SLCO3A1: variants seen among roughly 807,000 people sequenced by gnomAD.
SLCO3A1 encodes the protein PGE1 transporter.
Under a neutral mutation model 63.1 loss-of-function variants are expected in SLCO3A1, and 27 were observed. That is an observed-to-expected ratio of 0.43 (90% CI 0.32 to 0.59). The LOEUF is 0.59. Among genes scored for constraint, SLCO3A1 ranks in the 20% least tolerant of loss-of-function variants. The pLI is 0.09. For synonymous variants in SLCO3A1, 473 were observed against 409.9 expected (o/e 1.15, Z -1.86); for missense variants, 773 against 945.8 (o/e 0.82, Z 2.40).
chr15:92,017,150 C>T (rs1042877628), intron 2 of SLCO3A1, among the ~76,000 whole-genome samples: 10 of 152,144 alleles, frequency 6.6e-5, no homozygotes, highest in African/African-American at 2.4e-4. Flanking sequence ...AAGACAACAT[C>T]AAACATTAGC....
At chr15:92,058,839 C>A (rs879745952) in intron 2 of SLCO3A1, among the ~76,000 whole-genome samples, 106 of 152,244 alleles carry the variant, frequency 7.0e-4, no homozygotes, top group Middle Eastern at 6.8e-3. Flanking sequence ...GCTGGCAATG[C>A]GAGGTGTTAT....
At position 91,924,464 on chromosome 15, in the gene SLCO3A1, T is replaced by G. The variant is rs115624901; in HGVS notation, c.646+8006T>G. 1.9e-3 allele frequency among the ~76,000 whole-genome samples: 293 copies of G among 152,330 alleles called. 2 individuals are homozygous for G. The highest frequency in any genetic ancestry group is 6.8e-3 in the African/African-American group (284 of 41,572). ...GCCATGGTGGCAATTTCAAATTGCA[T>G]TCATTGATTTCAAAAGACCATCAAT... On this transcript the variant is annotated intron_variant, in intron 2 of 9. Transcript: ENST00000318445.
rs754465369 is a variant in SLCO3A1, at chr15:91,853,926, G to T, written c.18G>T (p.Pro6=). The change falls in exon 1 of 10, where the codon CCG becomes CCT. Residue 6 remains proline (P), a synonymous_variant. Transcript: ENST00000318445. The stretch of plus-strand genomic sequence containing the variant: ...GGGGAAGGATGCAGGGGAAGAAGCC[G>T]GGCGGTTCGTCGGGCGGCGGCCGGA... MQGKK[P]GGSSGGGRSG... is the part of the protein sequence containing the mutation. 10 of 1,451,868 alleles carry T rather than the reference G, an allele frequency of 6.9e-6. No homozygotes were observed. The highest frequency in any genetic ancestry group is 1.9e-4 in the Middle Eastern group (1 of 5,236). 89.9% of individuals were successfully genotyped at this position (1,451,868 alleles called of 1,614,324 possible). A position where few individuals can be genotyped will look rare whatever the true frequency, so the allele number is the denominator to read the frequency against.
intron 1 of SLCO3A1, among the ~76,000 whole-genome samples, chr15:91,874,868 T>C (rs1379778539): frequency 1.3e-5 from 2 of 152,362 alleles, no homozygotes; most frequent in African/African-American, 4.8e-5. Context: ...GTCTCTTTTC[T>C]CTGTATTTCC....
chr15:91,874,643 G>T (rs755205326), intron 1 of SLCO3A1, among the ~76,000 whole-genome samples: 1 of 152,132 alleles, frequency 6.6e-6, no homozygotes, highest in Non-Finnish European at 1.5e-5. Context: ...GTCGTCTGTC[G>T]ATGGACACTT....
chr15:92,147,540 C>G (rs1474354151), intron 8 of SLCO3A1, among the ~76,000 whole-genome samples: 1 of 152,150 alleles, frequency 6.6e-6, no homozygotes, highest in African/African-American at 2.4e-5. Flanking sequence ...CATTTTCCCC[C>G]TAGACTTGCT....
chr15:91,857,029 C>CGTGT lies in SLCO3A1; in HGVS notation c.180+2979_180+2982dup, dbSNP rs58042356. Reference sequence around the variant, plus strand: ...AGAAGCAACTTTGAGAAGGAGGACTCGTGTGTGTGTGTGTGTGTGTGTGTG... The same window carrying CGTGT: ...AGAAGCAACTTTGAGAAGGAGGACTCGTGTGTGTGTGTGTGTGTGTGTGTGTGTG... On this transcript the variant is annotated intron_variant, in intron 1 of 9. Coordinates refer to ENST00000318445, the MANE Select transcript of SLCO3A1 (RefSeq NM_013272.4). 8.5e-3 allele frequency among the ~76,000 whole-genome samples: 1,178 copies of CGTGT among 139,078 alleles called. 11 individuals are homozygous for CGTGT. The highest frequency in any genetic ancestry group is 0.025 in the Middle Eastern group (7 of 276). The allele number at this position is 139,078 out of a possible 152,430, so 91.2% of individuals were successfully genotyped here. A position where few individuals can be genotyped will look rare whatever the true frequency, so the allele number is the denominator to read the frequency against.
At position 91,912,720 on chromosome 15, in the gene SLCO3A1, C is replaced by T. The variant is rs1898524478; in HGVS notation, c.181-3273C>T. ...CCCTTCCCCCTACTTTGTTACCCTC[C>T]AGCCTCATGGTGGGTCCTAAAGCTG... On this transcript the variant is annotated intron_variant, in intron 1 of 9. Transcript: ENST00000318445. The surrounding 1 kb of genome is among the most constrained non-coding windows in gnomAD (Gnocchi z 5.0). Among the ~76,000 whole-genome samples the T allele has an allele frequency of 6.6e-6, 1 of 152,192 alleles. No individual in the cohort carries two copies. Among genetic ancestry groups the T allele is most frequent in the Non-Finnish European group, 1.5e-5 (1 of 68,020 alleles).
intron 9 of SLCO3A1, among the ~76,000 whole-genome samples, chr15:92,160,529 G>C (rs1386459420): frequency 6.6e-6 from 1 of 152,160 alleles, no homozygotes; most frequent in East Asian, 1.9e-4. Context: ...GCCCAACCTG[G>C]CAGCTGGAAA....
intron 7 of SLCO3A1, among the ~76,000 whole-genome samples, chr15:92,128,794 G>A (rs905578383): frequency 6.6e-6 from 1 of 152,190 alleles, no homozygotes; most frequent in Admixed American, 6.5e-5. Context: ...TAGGATGTCT[G>A]CATGGGTAGT....
In SLCO3A1 at chr15:91,950,254, G is replaced by A. The variant is rs573209035; in HGVS notation, c.646+33796G>A. Among the ~76,000 whole-genome samples the A allele has an allele frequency of 5.9e-5, 9 of 152,312 alleles. No homozygotes were observed. The South Asian group carries it at 1.9e-3, about 32-fold the overall frequency. On this transcript the variant is annotated intron_variant, in intron 2 of 9. Coordinates refer to ENST00000318445, the MANE Select transcript of SLCO3A1 (RefSeq NM_013272.4). This position sits in a 1 kb window ranked among gnomAD's most constrained non-coding sequence, Gnocchi z 4.4. ...GGCTGCCTGCTGTGGCCAGAGATTC[G>A]GGTGTGTGTATTGTGGAGGGGATTG...
intron 5 of SLCO3A1, among the ~76,000 whole-genome samples, chr15:92,121,040 C>G (rs533427858): frequency 1.4e-4 from 21 of 152,058 alleles, no homozygotes; most frequent in Non-Finnish European, 3.1e-4. Context: ...CATACACTCC[C>G]TACTCCTCCC....
intron 7 of SLCO3A1, among the ~76,000 whole-genome samples, chr15:92,136,658 T>C (rs527650762): frequency 6.6e-6 from 1 of 152,366 alleles, no homozygotes; most frequent in Admixed American, 6.5e-5. Context: ...TTTTCCATTT[T>C]GAATACATTT....
intron 7 of SLCO3A1, among the ~76,000 whole-genome samples, chr15:92,133,085 G>A (rs549828753): frequency 6.9e-6 from 1 of 145,860 alleles, no homozygotes; most frequent in East Asian, 1.9e-4. Flanking sequence ...ATGAGGCGCT[G>A]CCCTATGCAC....
At chr15:92,028,184 C>T (rs1186650653) in intron 2 of SLCO3A1, among the ~76,000 whole-genome samples, 1 of 152,086 alleles carries the variant, frequency 6.6e-6, no homozygotes, top group Non-Finnish European at 1.5e-5. Context: ...GCTGGTCGGT[C>T]GTATGTCAGG....
At chr15:91,951,683 G>C (rs1900005916) in intron 2 of SLCO3A1, among the ~76,000 whole-genome samples, 1 of 151,532 alleles carries the variant, frequency 6.6e-6, no homozygotes, top group African/African-American at 2.4e-5. Flanking sequence ...CGCCTCCCAA[G>C]TAGTAGGGAT....
intron 2 of SLCO3A1, among the ~76,000 whole-genome samples, chr15:92,074,783 G>A (rs980187718): frequency 6.6e-6 from 1 of 150,572 alleles, no homozygotes; most frequent in Non-Finnish European, 1.5e-5. Context: ...CAGGGCGGTG[G>A]GGGGTGGCCA....
Position 92,102,368 on chromosome 15 carries a change from A to G in SLCO3A1, c.746-1911A>G, listed in dbSNP as rs144168830. On this transcript the variant is annotated intron_variant, in intron 3 of 9. Transcript: ENST00000318445. ...TCCCTATTTTGAGATTCTCATTTATATACATATATGTACATAAAAGTGAGA... is the reference window on the plus strand; with the variant it reads ...TCCCTATTTTGAGATTCTCATTTATGTACATATATGTACATAAAAGTGAGA... 3.3e-3 allele frequency among the ~76,000 whole-genome samples: 505 copies of G among 152,262 alleles called. 3 individuals are homozygous for G. The highest frequency in any genetic ancestry group is 0.011 in the African/African-American group (450 of 41,536).
At chr15:92,085,624 G>A (rs140656934) in intron 2 of SLCO3A1, among the ~76,000 whole-genome samples, 45 of 152,324 alleles carry the variant, frequency 3.0e-4, no homozygotes, top group South Asian at 2.1e-3. Flanking sequence ...ATGTGCATAC[G>A]TGTGTATTAA....
Sources: gnomAD v4.1 joint callset for allele counts (sites outside exome capture counted in the v4.1 genomes callset) on GRCh38, gnomAD v4.1.1 for gene constraint, Gnocchi (gnomAD v3.1) non-coding constraint, MANE v1.5 for transcripts, NCBI Gene and HGNC (gene_info 2026-07-23, HGNC 2026-07-21) for gene names.